FBXO8: variants seen among roughly 807,000 people sequenced by gnomAD.
FBXO8 encodes the protein F-box protein 8.
In FBXO8, 15 loss-of-function variants were observed where a neutral mutation model predicts 33.4. The observed-to-expected ratio is 0.45, with a 90% CI of 0.30 to 0.69. The LOEUF (loss-of-function observed/expected upper bound fraction) is 0.69, where lower values mean the gene tolerates loss of function less well. FBXO8 is among the 30% of genes least tolerant of loss of function. The pLI is 0.08. For synonymous variants in FBXO8, 132 were observed against 131.5 expected, an observed-to-expected ratio of 1.00 and a Z score of -0.02; for missense variants, 274 against 380.3, an observed-to-expected ratio of 0.72 and a Z score of 2.32.
chr4:174,258,519 T>A (rs1469748755), intron 3 of FBXO8, among the ~76,000 whole-genome samples: 1 of 152,124 alleles, frequency 6.6e-6, no homozygotes, highest in African/African-American at 2.4e-5. Context: ...TAAATAGTGA[T>A]GAAAGAAAAG....
chr4:174,268,915 T>G (rs2126443484), intron 1 of FBXO8: 2 of 152,350 alleles, frequency 1.3e-5, no homozygotes, highest in Admixed American at 6.5e-5. Flanking sequence ...CTTGCGCATG[T>G]TTGCTAAAGG....
In FBXO8 at chr4:174,237,641, C is replaced by A; in HGVS notation, c.773-42G>T. On this transcript the variant is annotated intron_variant, in intron 5 of 5. Coordinates refer to ENST00000393674, the MANE Select transcript of FBXO8 (RefSeq NM_012180.3). The surrounding 1 kb of genome is among the most constrained non-coding windows in gnomAD (Gnocchi z 4.4). ...ACAGTTCAAATTATTAGTTGGTTTA[C>A]AAAATATGATTCCAATGGCATTATA... The A allele has an allele frequency of 1.3e-6, 2 of 1,511,148 alleles. No individual in the cohort carries two copies. The highest frequency in any genetic ancestry group is 1.2e-5 in the South Asian group (1 of 80,032). 93.6% of individuals were successfully genotyped at this position (1,511,148 alleles called of 1,614,324 possible).
rs1339340003 is a variant in FBXO8, at chr4:174,278,088, A to T, written c.-9+5322T>A. 6.6e-6 allele frequency among the ~76,000 whole-genome samples: 1 copy of T among 152,064 alleles called. No homozygotes were observed. The highest frequency in any genetic ancestry group is 2.4e-5 in the African/African-American group (1 of 41,444). On this transcript the variant is annotated intron_variant, in intron 1 of 5. Transcript: ENST00000393674. The surrounding 1 kb of genome is among the most constrained non-coding windows in gnomAD (Gnocchi z 4.1). Reference sequence around the variant, plus strand: ...ACAGACTGCGTAGAGAAATTTTTTAAAAAAGAAAAAAACCCTGATAACCAA... The same window carrying T: ...ACAGACTGCGTAGAGAAATTTTTTATAAAAGAAAAAAACCCTGATAACCAA...
chr4:174,247,328 T>C lies in FBXO8; in HGVS notation c.457-6110A>G, dbSNP rs986535702. Among the ~76,000 whole-genome samples the C allele has an allele frequency of 3.9e-5, 6 of 152,098 alleles. No individual in the cohort carries two copies. Among genetic ancestry groups the C allele is most frequent in the African/African-American group, 1.2e-4 (5 of 41,510 alleles). The stretch of plus-strand genomic sequence containing the variant: ...TTAATTTTTTTCCTAAAGAACAACA[T>C]AGTAAAGAAATTTAGAAAAAAATTT... On this transcript the variant is annotated intron_variant, in intron 3 of 5. Coordinates refer to ENST00000393674, the MANE Select transcript of FBXO8 (RefSeq NM_012180.3). The surrounding 1 kb of genome is among the most constrained non-coding windows in gnomAD (Gnocchi z 4.6).
rs1265202316 is a variant in FBXO8, at chr4:174,256,879, G to C, written c.456+2820C>G. Among the ~76,000 whole-genome samples, 1 of 151,602 alleles carries C rather than the reference G, an allele frequency of 6.6e-6. No homozygotes were observed. Among genetic ancestry groups the C allele is most frequent in the African/African-American group, 2.4e-5 (1 of 41,248 alleles). On this transcript the variant is annotated intron_variant, in intron 3 of 5. Coordinates refer to ENST00000393674, the MANE Select transcript of FBXO8 (RefSeq NM_012180.3). The surrounding 1 kb of genome is among the most constrained non-coding windows in gnomAD (Gnocchi z 4.6). ...TAGAATGATAAATTCAGTGCCTCTGGAATGTTCCAGAGTATCTTTAAATCA... is the reference window on the plus strand; with the variant it reads ...TAGAATGATAAATTCAGTGCCTCTGCAATGTTCCAGAGTATCTTTAAATCA...
chr4:174,241,456 A>T lies in FBXO8; in HGVS notation c.457-238T>A, dbSNP rs552781320. On this transcript the variant is annotated intron_variant, in intron 3 of 5. Transcript: ENST00000393674. This position sits in a 1 kb window ranked among gnomAD's most constrained non-coding sequence, Gnocchi z 4.2. ...AAGACTGTTAAAGAAATCTTATTTAATTTTCTGGCTCATGTCAGGTAAAAC... is the reference window on the plus strand; with the variant it reads ...AAGACTGTTAAAGAAATCTTATTTATTTTTCTGGCTCATGTCAGGTAAAAC... Among the ~76,000 whole-genome samples the T allele has an allele frequency of 6.6e-6, 1 of 151,722 alleles. No individual in the cohort carries two copies. Among genetic ancestry groups the T allele is most frequent in the Non-Finnish European group, 1.5e-5 (1 of 67,614 alleles).
At chr4:174,282,345 T>A (rs1737123634) in intron 1 of FBXO8, among the ~76,000 whole-genome samples, 1 of 152,176 alleles carries the variant, frequency 6.6e-6, no homozygotes, top group Non-Finnish European at 1.5e-5. Flanking sequence ...TGCACCCTAA[T>A]TCCTGATGTA....
chr4:174,244,852 T>A (rs1238750966), intron 3 of FBXO8, among the ~76,000 whole-genome samples: 2 of 151,780 alleles, frequency 1.3e-5, no homozygotes, highest in Non-Finnish European at 2.9e-5. Flanking sequence ...TGGTAAATAA[T>A]GTCCATGCTA....
At position 174,277,254 on chromosome 4, in the gene FBXO8, A is replaced by G. The variant is rs1214464089; in HGVS notation, c.-9+6156T>C. On this transcript the variant is annotated intron_variant, in intron 1 of 5. Transcript: ENST00000393674. The surrounding 1 kb of genome is among the most constrained non-coding windows in gnomAD (Gnocchi z 4.9). ...CTACTATGTTTTGTTTCCTATTCAA[A>G]ATAGTAGACTATTTCTTAAAAAGAC... is the stretch of plus-strand genomic sequence containing the variant. Among the ~76,000 whole-genome samples, 1 of 152,176 alleles carries G rather than the reference A, an allele frequency of 6.6e-6. No individual in the cohort carries two copies.
In FBXO8 at chr4:174,252,762, C is replaced by T. The variant is rs1032327018; in HGVS notation, c.456+6937G>A. Among the ~76,000 whole-genome samples the T allele has an allele frequency of 6.6e-6, 1 of 151,928 alleles. No homozygotes were observed. The highest frequency in any genetic ancestry group is 1.5e-5 in the Non-Finnish European group (1 of 67,980). ...ATGACTCATTCCTGTAATTCCAGCACTTTGGGAGGCCGAGGCAGGTGGGTC... is the reference window on the plus strand; with the variant it reads ...ATGACTCATTCCTGTAATTCCAGCATTTTGGGAGGCCGAGGCAGGTGGGTC... On this transcript the variant is annotated intron_variant, in intron 3 of 5. Transcript: ENST00000393674. This position sits in a 1 kb window ranked among gnomAD's most constrained non-coding sequence, Gnocchi z 5.1.
In FBXO8 at chr4:174,237,599, T is replaced by A; in HGVS notation, c.773A>T (p.Asp258Val). 1 of 1,584,592 alleles carries A rather than the reference T, an allele frequency of 6.3e-7. No individual in the cohort carries two copies. Among genetic ancestry groups the A allele is most frequent in the Non-Finnish European group, 8.6e-7 (1 of 1,161,570 alleles). ...DLMRELGLSP[D>V]AVYVLCYSLI... ...AGAGTAGCACAGTACATAGACAGCA[T>A]CTGGAAAGAAAAAGAAACAGTTCAA... The change falls in exon 6 of 6, where the codon GAT (aspartate) becomes GTT (valine). Residue 258 changes from aspartate to valine, a missense_variant and splice_region_variant. By Grantham distance (152) the Asp-to-Val change is radical. Transcript: ENST00000393674. This position sits in a 1 kb window ranked among gnomAD's most constrained non-coding sequence, Gnocchi z 4.4.
chr4:174,255,652 C>T lies in FBXO8; in HGVS notation c.456+4047G>A, dbSNP rs1222584106. ...ATTTAAAACAAAAACTGTTTAAAAA[C>T]ACAATTACACAAACAAAAATAAGCC... On this transcript the variant is annotated intron_variant, in intron 3 of 5. Transcript: ENST00000393674. This position sits in a 1 kb window ranked among gnomAD's most constrained non-coding sequence, Gnocchi z 4.3. Among the ~76,000 whole-genome samples the T allele has an allele frequency of 6.6e-6, 1 of 150,456 alleles. No individual in the cohort carries two copies. The highest frequency in any genetic ancestry group is 6.6e-5 in the Admixed American group (1 of 15,090).
chr4:174,282,077 A>G (rs1737108258), intron 1 of FBXO8, among the ~76,000 whole-genome samples: 1 of 152,218 alleles, frequency 6.6e-6, no homozygotes, highest in African/African-American at 2.4e-5. Flanking sequence ...AATCTGAATG[A>G]CTAATTTCAA....
chr4:174,248,610 A>T (rs1736215388), intron 3 of FBXO8, among the ~76,000 whole-genome samples: 1 of 152,086 alleles, frequency 6.6e-6, no homozygotes. Flanking sequence ...AGAGAGTGCC[A>T]GTATCCTGTA....
rs74390036 is a variant in FBXO8, at chr4:174,262,444, T to G, written c.329+320A>C. 5.4e-3 allele frequency among the ~76,000 whole-genome samples: 825 copies of G among 152,312 alleles called. 8 individuals carry two copies. Among genetic ancestry groups the G allele is most frequent in the African/African-American group, 0.019 (769 of 41,550 alleles). On this transcript the variant is annotated intron_variant, in intron 2 of 5. Coordinates refer to ENST00000393674, the MANE Select transcript of FBXO8 (RefSeq NM_012180.3). This position sits in a 1 kb window ranked among gnomAD's most constrained non-coding sequence, Gnocchi z 4.6. ...GCATGTGAACACTCCAACTTTTAAA[T>G]TAGAAATTCTCACTCCACAACTTTG...
rs1736947227 is a variant in FBXO8, at chr4:174,275,785, C to T, written c.-9+7625G>A. On this transcript the variant is annotated intron_variant, in intron 1 of 5. Transcript: ENST00000393674. The surrounding 1 kb of genome is among the most constrained non-coding windows in gnomAD (Gnocchi z 4.4). ...AATCTACAACCTATGAATCATCTCT[C>T]ACTTCAGGTAAATTTGAATACATAT... is the stretch of plus-strand genomic sequence containing the variant. 6.6e-6 allele frequency among the ~76,000 whole-genome samples: 1 copy of T among 152,278 alleles called. No individual in the cohort carries two copies. Among genetic ancestry groups the T allele is most frequent in the Non-Finnish European group, 1.5e-5 (1 of 68,010 alleles).
intron 1 of FBXO8, among the ~76,000 whole-genome samples, chr4:174,279,030 C>G (rs1737014593): frequency 6.6e-6 from 1 of 151,668 alleles, no homozygotes; most frequent in African/African-American, 2.4e-5. Flanking sequence ...TCTTTTTTAG[C>G]TATAAAATTC....
rs1207577060 is a variant in FBXO8, at chr4:174,257,158, T to C, written c.456+2541A>G. ...CTAACAAGAACTGTATAGTTTGATA[T>C]TGGTAGCTGCAAGGATGAAAACCTA... On this transcript the variant is annotated intron_variant, in intron 3 of 5. Transcript: ENST00000393674. The surrounding 1 kb of genome is among the most constrained non-coding windows in gnomAD (Gnocchi z 4.3). 1.3e-5 allele frequency among the ~76,000 whole-genome samples: 2 copies of C among 152,126 alleles called. No individual in the cohort carries two copies. The highest frequency in any genetic ancestry group is 2.9e-5 in the Non-Finnish European group (2 of 68,010).
rs116752270 is a variant in FBXO8, at chr4:174,245,453, C to G, written c.457-4235G>C. 1.5e-4 allele frequency among the ~76,000 whole-genome samples: 23 copies of G among 151,796 alleles called. No homozygotes were observed. Among genetic ancestry groups the G allele is most frequent in the South Asian group, 1.0e-3 (5 of 4,808 alleles). On this transcript the variant is annotated intron_variant, in intron 3 of 5. Transcript: ENST00000393674. This position sits in a 1 kb window ranked among gnomAD's most constrained non-coding sequence, Gnocchi z 4.6. Reference sequence around the variant, plus strand: ...TCCAGTTAATACTGTATTATATGAGCAAAAGTAATATATAATTTTTAAAGA... The same window carrying G: ...TCCAGTTAATACTGTATTATATGAGGAAAAGTAATATATAATTTTTAAAGA...
Sources: gnomAD v4.1 joint callset for allele counts (sites outside exome capture counted in the v4.1 genomes callset) on GRCh38, gnomAD v4.1.1 for gene constraint, Gnocchi (gnomAD v3.1) non-coding constraint, MANE v1.5 for transcripts, NCBI Gene and HGNC (gene_info 2026-07-23, HGNC 2026-07-21) for gene names.